PPP2R5A: variants seen among roughly 807,000 people sequenced by gnomAD.
The protein encoded by PPP2R5A is protein phosphatase 2 regulatory subunit B'alpha.
In PPP2R5A, 25 loss-of-function variants were observed where a neutral mutation model predicts 64.2. The observed-to-expected ratio is 0.39, with a 90% CI of 0.28 to 0.54. The LOEUF (loss-of-function observed/expected upper bound fraction) is 0.54, where lower values mean the gene tolerates loss of function less well. PPP2R5A is among the 20% of genes least tolerant of loss of function. PPP2R5A has a pLI of 0.67. For synonymous variants in PPP2R5A, 198 were observed against 201.2 expected, an observed-to-expected ratio of 0.98 and a Z score of 0.13; for missense variants, 425 against 576.3, an observed-to-expected ratio of 0.74 and a Z score of 2.69.
chr1:212,349,275 C>A, intron 8 of PPP2R5A, 33 bp downstream of exon 8: 1 of 1,492,890 alleles, frequency 6.7e-7, no homozygotes, highest in South Asian at 1.2e-5. Context: ...TGTTTTTGGT[C>A]TGCATTAATA....
At chr1:212,320,842 C>A (rs1378301244) in intron 1 of PPP2R5A, among the ~76,000 whole-genome samples, 1 of 128,752 alleles carries the variant, frequency 7.8e-6, no homozygotes, top group Non-Finnish European at 1.7e-5. Flanking sequence ...CTGGACGGGG[C>A]GGCTGGCCGG....
chr1:212,290,606 T>C (rs1658582602), intron 1 of PPP2R5A, among the ~76,000 whole-genome samples: 1 of 152,232 alleles, frequency 6.6e-6, no homozygotes, highest in South Asian at 2.1e-4. Flanking sequence ...GGAAAAACTT[T>C]TCTATTTAAA....
At chr1:212,293,899 T>C (rs1036985291) in intron 1 of PPP2R5A, among the ~76,000 whole-genome samples, 4 of 152,206 alleles carry the variant, frequency 2.6e-5, no homozygotes, top group Non-Finnish European at 4.4e-5. Flanking sequence ...TTGATTTCAC[T>C]CTTGTTATTC....
At chr1:212,299,818 T>C (rs2102413967) in intron 1 of PPP2R5A, among the ~76,000 whole-genome samples, 1 of 151,908 alleles carries the variant, frequency 6.6e-6, no homozygotes, top group East Asian at 1.9e-4. Context: ...ATAAGACTTT[T>C]TTTTTTTTTT....
intron 1 of PPP2R5A, among the ~76,000 whole-genome samples, chr1:212,290,952 G>A (rs1022080672): frequency 5.3e-5 from 8 of 152,126 alleles, no homozygotes; most frequent in African/African-American, 1.7e-4. Context: ...GGATTTCAAA[G>A]ACAGGTTTAC....
intron 11 of PPP2R5A, 185 bp downstream of exon 11, chr1:212,357,469 T>G (rs1037803457): frequency 1.7e-5 from 9 of 523,648 alleles, no homozygotes; most frequent in African/African-American, 6.0e-5. Context: ...ATGTGTGTGT[T>G]TGTTCAGTAT....
intron 1 of PPP2R5A, among the ~76,000 whole-genome samples, chr1:212,295,791 T>C (rs1030662105): frequency 6.6e-6 from 1 of 152,174 alleles, no homozygotes; most frequent in Non-Finnish European, 1.5e-5. Context: ...GGTTAGTCTT[T>C]AGGCAACATT....
chr1:212,311,564 T>A (rs1231874400), intron 1 of PPP2R5A, among the ~76,000 whole-genome samples: 1 of 152,118 alleles, frequency 6.6e-6, no homozygotes, highest in Non-Finnish European at 1.5e-5. Context: ...ACTATTTTTA[T>A]CATTATTTTA....
chr1:212,316,139 G>A (rs544125025), intron 1 of PPP2R5A, among the ~76,000 whole-genome samples: 2 of 152,170 alleles, frequency 1.3e-5, no homozygotes, highest in Non-Finnish European at 2.9e-5. Context: ...GAAGTGAAAG[G>A]AAGAGTCTCA....
intron 8 of PPP2R5A, among the ~76,000 whole-genome samples, chr1:212,355,456 A>T (rs1246567958): frequency 6.6e-6 from 1 of 152,156 alleles, no homozygotes; most frequent in African/African-American, 2.4e-5. Flanking sequence ...GACCAGACAG[A>T]CTATAAAGTA....
At chr1:212,298,910 G>C (rs1398436018) in intron 1 of PPP2R5A, among the ~76,000 whole-genome samples, 1 of 30,696 alleles carries the variant, frequency 3.3e-5, no homozygotes. Flanking sequence ...GGACTGGGCG[G>C]CTGGCCGGGC....
intron 3 of PPP2R5A, chr1:212,334,015 G>A (rs940902009): frequency 1.3e-5 from 2 of 153,626 alleles, no homozygotes; most frequent in African/African-American, 4.8e-5. Context: ...CTTCATATAA[G>A]TGAAATTATG....
rs1335445576 is a variant in PPP2R5A, at chr1:212,354,832, C to T, written c.928-1794C>T. ...ACTGTACCTTTCGTGTTTAGATACACAAATACTATTGTTACAACTGCCTAC... is the reference window on the plus strand; with the variant it reads ...ACTGTACCTTTCGTGTTTAGATACATAAATACTATTGTTACAACTGCCTAC... On this transcript the variant is annotated intron_variant, in intron 8 of 12. Coordinates refer to ENST00000261461, the MANE Select transcript of PPP2R5A (RefSeq NM_006243.4). 2.0e-5 allele frequency among the ~76,000 whole-genome samples: 3 copies of T among 152,148 alleles called. No individual in the cohort carries two copies. In the East Asian group the frequency reaches 5.8e-4, roughly 29 times the overall value.
intron 1 of PPP2R5A, among the ~76,000 whole-genome samples, chr1:212,318,746 CT>C (rs1462611522): frequency 2.6e-5 from 4 of 151,948 alleles, no homozygotes; most frequent in African/African-American, 9.7e-5. Context: ...TATGTAGAGA[CT>C]TTTTTTTCAG....
At chr1:212,288,787 C>T (rs1457785473) in intron 1 of PPP2R5A, among the ~76,000 whole-genome samples, 2 of 152,162 alleles carry the variant, frequency 1.3e-5, no homozygotes, top group East Asian at 1.9e-4. Context: ...TTTTCTTCCT[C>T]CTCTGAAATA....
chr1:212,309,767 ATT>A (rs1658993515), intron 1 of PPP2R5A, among the ~76,000 whole-genome samples: 1 of 152,138 alleles, frequency 6.6e-6, no homozygotes, highest in African/African-American at 2.4e-5. Context: ...CATTGGAAGA[ATT>A]GTCTTGGGCC....
intron 1 of PPP2R5A, among the ~76,000 whole-genome samples, chr1:212,322,871 C>T (rs148554351): frequency 0.055 from 8,291 of 152,118 alleles, 315 homozygotes; most frequent in Admixed American, 0.087. Flanking sequence ...CTGCAAGCTC[C>T]GCCTCCCAGG....
chr1:212,303,626 A>G (rs1269378623), intron 1 of PPP2R5A, among the ~76,000 whole-genome samples: 1 of 152,130 alleles, frequency 6.6e-6, no homozygotes, highest in African/African-American at 2.4e-5. Context: ...ATATGAGGCT[A>G]TGAAGATTTA....
intron 9 of PPP2R5A, 73 bp from the exon 10 acceptor site, chr1:212,356,877 C>T (rs1659986112): frequency 7.3e-7 from 1 of 1,367,668 alleles, no homozygotes; most frequent in South Asian, 1.5e-5. Flanking sequence ...GATTAACCTT[C>T]TCATTTGTAT....
Sources: gnomAD v4.1 joint callset for allele counts (sites outside exome capture counted in the v4.1 genomes callset) on GRCh38, gnomAD v4.1.1 for gene constraint, MANE v1.5 for transcripts, NCBI Gene and HGNC (gene_info 2026-07-23, HGNC 2026-07-21) for gene names.